MAPK10: variants seen among roughly 807,000 people sequenced by gnomAD.
MAPK10 encodes the protein JNK3 alpha protein kinase.
MAPK10 carries 25 observed loss-of-function variants against 59.3 expected under a neutral mutation model. That is an observed-to-expected ratio of 0.42 (90% confidence interval 0.31 to 0.59). The LOEUF is 0.59. MAPK10 is among the 20% of genes least tolerant of loss of function. The pLI, the probability that MAPK10 is intolerant of heterozygous loss-of-function variation, is 0.15. For missense variants in MAPK10, 351 were observed against 568.9 expected, an observed-to-expected ratio of 0.62 and a Z score of 3.90; for synonymous variants, 190 against 200.5, an observed-to-expected ratio of 0.95 and a Z score of 0.44.
chr4:86,247,528 G>C (rs1218461002), intron 2 of MAPK10, among the ~76,000 whole-genome samples: 1 of 152,140 alleles, frequency 6.6e-6, no homozygotes, highest in Admixed American at 6.5e-5. Context: ...GATTTAGTCA[G>C]ATAAATGAGT....
chr4:86,320,599 T>C (rs1413787323), intron 2 of MAPK10, among the ~76,000 whole-genome samples: 2 of 152,184 alleles, frequency 1.3e-5, no homozygotes, highest in Non-Finnish European at 2.9e-5. Context: ...TTCTCCCATT[T>C]TGTAGGTTGC....
At position 86,474,513 on chromosome 4, in the gene MAPK10, C is replaced by G. The variant is rs561766596; in HGVS notation, c.-263+119397G>C. Among the ~76,000 whole-genome samples the G allele has an allele frequency of 3.3e-5, 5 of 152,334 alleles. No homozygotes were observed. The South Asian group carries it at 6.2e-4, about 19-fold the overall frequency. On this transcript the variant is annotated intron_variant, in intron 1 of 4. Coordinates refer to the MAPK10 transcript ENST00000502302. ...AGAGAGGTCCGAAAGTTATTCAGCA[C>G]TTTCAATTATAAATTGTCTTTGGCA...
At chr4:86,577,725 G>C (rs1377784816) in intron 1 of MAPK10, among the ~76,000 whole-genome samples, 1 of 152,132 alleles carries the variant, frequency 6.6e-6, no homozygotes, top group East Asian at 1.9e-4. Context: ...ATGCAACTCA[G>C]TTTTGAGTAA....
intron 1 of MAPK10, among the ~76,000 whole-genome samples, chr4:86,561,088 A>G (rs771247666): frequency 5.3e-5 from 8 of 152,214 alleles, no homozygotes; most frequent in Non-Finnish European, 1.0e-4. Context: ...ACCATCAGGC[A>G]TTGGATTCTC....
rs570328851 is a variant in MAPK10 at position 86,472,701 on chromosome 4, G to A, written c.-262-118057C>T. Among the ~76,000 whole-genome samples, 12 of 152,274 alleles carry A rather than the reference G, an allele frequency of 7.9e-5. No individual in the cohort carries two copies. The East Asian group carries it at 1.9e-3, about 24-fold the overall frequency. On this transcript the variant is annotated intron_variant, in intron 1 of 4. Transcript: ENST00000502302. ...AAGACAAGATAAGATTCTGAAATGT[G>A]TAAACTCATCATACAATAAACTGTA...
intron 9 of MAPK10, among the ~76,000 whole-genome samples, chr4:86,086,838 T>C (rs1009521870): frequency 6.6e-6 from 1 of 152,184 alleles, no homozygotes; most frequent in African/African-American, 2.4e-5. Flanking sequence ...TTATTTGATA[T>C]TCAGTGTTCA....
At chr4:86,101,665 G>T (rs2055419147) in intron 7 of MAPK10, among the ~76,000 whole-genome samples, 1 of 152,130 alleles carries the variant, frequency 6.6e-6, no homozygotes, top group African/African-American at 2.4e-5. Flanking sequence ...AAAGCATGAG[G>T]CTTCTAAGAA....
At chr4:86,215,907 T>C (rs1481192561) in intron 2 of MAPK10, among the ~76,000 whole-genome samples, 1 of 152,132 alleles carries the variant, frequency 6.6e-6, no homozygotes, top group Non-Finnish European at 1.5e-5. Context: ...CTCACATCCA[T>C]TGGGATGGCT....
At chr4:86,179,431 A>G (rs549858680) in intron 3 of MAPK10, among the ~76,000 whole-genome samples, 1 of 152,268 alleles carries the variant, frequency 6.6e-6, no homozygotes, top group East Asian at 1.9e-4. Flanking sequence ...CATACTAACC[A>G]AAGCAACCTA....
At chr4:86,022,398 G>A (rs1380406664) in intron 13 of MAPK10, among the ~76,000 whole-genome samples, 1 of 151,892 alleles carries the variant, frequency 6.6e-6, no homozygotes, top group East Asian at 1.9e-4. Flanking sequence ...TATCTTCTTT[G>A]GAGAAAGTTT....
intron 11 of MAPK10, among the ~76,000 whole-genome samples, chr4:86,051,780 T>A (rs775943548): frequency 6.6e-6 from 1 of 152,232 alleles, no homozygotes; most frequent in Non-Finnish European, 1.5e-5. Flanking sequence ...GTTTTTGTTG[T>A]TGTTCATTTG....
intron 13 of MAPK10, among the ~76,000 whole-genome samples, chr4:86,021,705 G>A (rs1281466269): frequency 6.6e-6 from 1 of 152,234 alleles, no homozygotes; most frequent in Non-Finnish European, 1.5e-5. Context: ...CCATGGAGTG[G>A]GTGGGAGGCT....
At chr4:86,216,223 T>C (rs2087518367) in intron 2 of MAPK10, among the ~76,000 whole-genome samples, 1 of 150,560 alleles carries the variant, frequency 6.6e-6, no homozygotes, top group African/African-American at 2.4e-5. Context: ...AATTCAAATG[T>C]CCATCCAGGA....
At chr4:86,236,762 T>C (rs919444840) in intron 2 of MAPK10, among the ~76,000 whole-genome samples, 1 of 152,002 alleles carries the variant, frequency 6.6e-6, no homozygotes, top group Non-Finnish European at 1.5e-5. Context: ...GAGATAAGGA[T>C]GTGAGTAAAA....
chr4:86,114,131 T>C (rs2057957097), intron 4 of MAPK10, among the ~76,000 whole-genome samples: 1 of 152,236 alleles, frequency 6.6e-6, no homozygotes, highest in African/African-American at 2.4e-5. Context: ...TTATCATGGT[T>C]CTTAGCTTCT....
At chr4:86,547,314 G>A (rs1441939106) in intron 1 of MAPK10, among the ~76,000 whole-genome samples, 3 of 152,196 alleles carry the variant, frequency 2.0e-5, no homozygotes, top group East Asian at 1.9e-4. Context: ...GCCAGGAGGT[G>A]TGGAGGGAGA....
chr4:86,076,671 A>G (rs547172716), intron 9 of MAPK10, among the ~76,000 whole-genome samples: 1 of 152,300 alleles, frequency 6.6e-6, no homozygotes, highest in East Asian at 1.9e-4. Context: ...TAAAACAATT[A>G]ATTTTATCAA....
At chr4:86,105,129 A>G (rs929467268) in intron 5 of MAPK10, among the ~76,000 whole-genome samples, 5 of 152,144 alleles carry the variant, frequency 3.3e-5, no homozygotes, top group African/African-American at 1.2e-4. Flanking sequence ...TACAGAAAAC[A>G]GGGGACCAAA....
chr4:86,465,966 G>A (rs747054410), intron 1 of MAPK10, among the ~76,000 whole-genome samples: 31 of 152,260 alleles, frequency 2.0e-4, no homozygotes, highest in Non-Finnish European at 3.7e-4. Flanking sequence ...CTATGATAGC[G>A]GTGATCACCA....
Sources: gnomAD v4.1 joint callset for allele counts (sites outside exome capture counted in the v4.1 genomes callset) on GRCh38, gnomAD v4.1.1 for gene constraint, MANE v1.5 for transcripts, NCBI Gene and HGNC (gene_info 2026-07-23, HGNC 2026-07-21) for gene names.